ANOS1: variants seen among roughly 807,000 people sequenced by gnomAD.
The protein encoded by ANOS1 is anosmin-1.
Under a neutral mutation model 59.0 loss-of-function variants are expected in ANOS1, and 6 were observed. The observed-to-expected ratio is 0.10, with a 90% CI of 0.06 to 0.20. The LOEUF is 0.20. Ranked by LOEUF, ANOS1 falls within the 10% of genes least tolerant of loss-of-function variation. The pLI is 1.00. For missense variants in ANOS1, 433 were observed against 542.3 expected (o/e 0.80, Z 2.00); for synonymous variants, 217 against 223.4 (o/e 0.97, Z 0.25).
At chrX:8,680,325 G>A (rs1465243241) in intron 2 of ANOS1, among the ~76,000 whole-genome samples, 1 of 109,141 alleles carries the variant, frequency 9.2e-6, no homozygotes, top group East Asian at 2.8e-4. Context: ...GTGTGTGTGT[G>A]TATGGTGTGA....
At chrX:8,642,510 T>C (rs770865717) in intron 2 of ANOS1, among the ~76,000 whole-genome samples, 11 of 110,469 alleles carry the variant, frequency 1.0e-4, no homozygotes, top group Non-Finnish European at 1.7e-4. Flanking sequence ...TTGTACAGCA[T>C]GTGAATTATA....
chrX:8,688,365 G>A (rs951633502), intron 2 of ANOS1, among the ~76,000 whole-genome samples: 1 of 112,202 alleles, frequency 8.9e-6, no homozygotes, highest in Non-Finnish European at 1.9e-5. Flanking sequence ...CCTGCTCTGC[G>A]TGCTTTCTGA....
chrX:8,538,567 C>T (rs1268921639), intron 10 of ANOS1, among the ~76,000 whole-genome samples: 1 of 111,601 alleles, frequency 9.0e-6, no homozygotes, highest in East Asian at 2.8e-4. Context: ...GGTTCTGAGG[C>T]ACACACATAT....
At chrX:8,703,342 T>C (rs1932766050) in intron 1 of ANOS1, among the ~76,000 whole-genome samples, 1 of 112,209 alleles carries the variant, frequency 8.9e-6, no homozygotes, top group Admixed American at 9.5e-5. Flanking sequence ...ACAGAAACTG[T>C]TGTCAACAGG....
chrX:8,564,536 G>A (rs768282186), intron 8 of ANOS1, among the ~76,000 whole-genome samples: 3 of 111,423 alleles, frequency 2.7e-5, no homozygotes, highest in African/African-American at 3.3e-5. Context: ...TATATGCCAG[G>A]GATTATGACG....
intron 1 of ANOS1, among the ~76,000 whole-genome samples, chrX:8,701,083 A>T (rs913215996): frequency 9.0e-6 from 1 of 111,426 alleles, no homozygotes; most frequent in Non-Finnish European, 1.9e-5. Flanking sequence ...TATTCCACAT[A>T]ACTAAGATTT....
chrX:8,546,401 T>C (rs1214841411), intron 9 of ANOS1, among the ~76,000 whole-genome samples: 1 of 112,572 alleles, frequency 8.9e-6, no homozygotes. Flanking sequence ...ATATGTTCAT[T>C]TGGCTTTCAG....
chrX:8,594,070 A>G (rs368110957), intron 4 of ANOS1, among the ~76,000 whole-genome samples: 21 of 111,365 alleles, frequency 1.9e-4, no homozygotes, highest in African/African-American at 6.9e-4. Flanking sequence ...AGCAGATGTT[A>G]GATCTATTTC....
At chrX:8,653,044 CAG>C (rs1385152142) in intron 2 of ANOS1, among the ~76,000 whole-genome samples, 16 of 109,452 alleles carry the variant, frequency 1.5e-4, no homozygotes, top group African/African-American at 5.0e-4. Flanking sequence ...TTAGTAGAGA[CAG>C]AGTTTCACCA....
At chrX:8,633,864 A>C (rs760174762) in intron 2 of ANOS1, among the ~76,000 whole-genome samples, 3 of 112,201 alleles carry the variant, frequency 2.7e-5, no homozygotes, top group Non-Finnish European at 5.6e-5. Context: ...ACAAAGAAAG[A>C]CTGAGGAATG....
chrX:8,541,472 A>G (rs1929689573), intron 9 of ANOS1, among the ~76,000 whole-genome samples: 1 of 101,206 alleles, frequency 9.9e-6, no homozygotes, highest in African/African-American at 3.6e-5. Context: ...AGGTAAGGGC[A>G]GTAGGGTGGA....
chrX:8,593,536 G>A (rs1930657103), intron 4 of ANOS1, among the ~76,000 whole-genome samples: 2 of 111,957 alleles, frequency 1.8e-5, no homozygotes, highest in South Asian at 3.7e-4. Context: ...AGTTTTATAC[G>A]CTTCAACTCT....
At chrX:8,692,310 A>C (rs1932620257) in intron 2 of ANOS1, among the ~76,000 whole-genome samples, 1 of 111,976 alleles carries the variant, frequency 8.9e-6, no homozygotes, top group Non-Finnish European at 1.9e-5. Flanking sequence ...TTTGTGCTGC[A>C]ACAACAGAGT....
At chrX:8,621,913 T>G (rs1359087104) in intron 3 of ANOS1, among the ~76,000 whole-genome samples, 1 of 111,821 alleles carries the variant, frequency 8.9e-6, no homozygotes, top group Non-Finnish European at 1.9e-5. Context: ...AAGTTCATGT[T>G]GAATAAATGA....
intron 2 of ANOS1, among the ~76,000 whole-genome samples, chrX:8,654,539 C>T (rs765610598): frequency 1.8e-5 from 2 of 112,325 alleles, no homozygotes; most frequent in African/African-American, 3.2e-5. Context: ...CTTTCATCTC[C>T]GTTTTATTCA....
At chrX:8,600,874 T>C (rs1225516538) in intron 3 of ANOS1, among the ~76,000 whole-genome samples, 1 of 112,481 alleles carries the variant, frequency 8.9e-6, no homozygotes, top group East Asian at 2.8e-4. Context: ...CAGTGCCTCA[T>C]GGGCTGAGAT....
chrX:8,541,352 G>A (rs1929681991), intron 9 of ANOS1, among the ~76,000 whole-genome samples: 2 of 100,511 alleles, frequency 2.0e-5, no homozygotes, highest in Admixed American at 1.1e-4. Context: ...TCAGTGAGCC[G>A]AGATCACGCC....
At chrX:8,671,969 A>C (rs979111512) in intron 2 of ANOS1, among the ~76,000 whole-genome samples, 1 of 110,824 alleles carries the variant, frequency 9.0e-6, no homozygotes, top group Non-Finnish European at 1.9e-5. Context: ...AATACAATAC[A>C]TTATTAACTA....
chrX:8,584,667 C>T (rs2146816673), intron 6 of ANOS1, among the ~76,000 whole-genome samples: 1 of 111,705 alleles, frequency 9.0e-6, no homozygotes, highest in South Asian at 3.7e-4. Context: ...GAAAAATAAA[C>T]TTGAAGATAT....
Sources: gnomAD v4.1 joint callset for allele counts (sites outside exome capture counted in the v4.1 genomes callset) on GRCh38, gnomAD v4.1.1 for gene constraint, MANE v1.5 for transcripts, NCBI Gene and HGNC (gene_info 2026-07-23, HGNC 2026-07-21) for gene names.